RAI1: variants seen among roughly 807,000 people sequenced by gnomAD.
The protein encoded by RAI1 is retinoic acid-induced protein 1.
Under a neutral mutation model 123.8 loss-of-function variants are expected in RAI1, and 9 were observed. That is an observed-to-expected ratio of 0.07 (90% CI 0.04 to 0.13). The LOEUF is 0.13. RAI1 is among the 10% of genes least tolerant of loss of function. RAI1 has a pLI of 1.00. For missense variants in RAI1, 2,256 were observed against 2,545.8 expected (o/e 0.89, Z 2.45); for synonymous variants, 1,231 against 1,127.3 (o/e 1.09, Z -1.84).
chr17:17,727,994 T>C (rs1916148906), intron 2 of RAI1, among the ~76,000 whole-genome samples: 1 of 151,914 alleles, frequency 6.6e-6, no homozygotes, highest in Non-Finnish European at 1.5e-5. Context: ...GTGTATTGCT[T>C]AAGGGGTTTG....
chr17:17,749,509 T>C (rs1004865085), intron 2 of RAI1, among the ~76,000 whole-genome samples: 1 of 152,272 alleles, frequency 6.6e-6, no homozygotes, highest in African/African-American at 2.4e-5. Context: ...TTTGAGAGGC[T>C]ATTAGCATGG....
intron 2 of RAI1, among the ~76,000 whole-genome samples, chr17:17,730,860 C>T (rs1486980093): frequency 1.3e-5 from 2 of 152,226 alleles, no homozygotes; most frequent in Admixed American, 1.3e-4. Flanking sequence ...GGCGGAGAGG[C>T]AGAGAAGCTT....
At chr17:17,784,015 C>T (rs756168437) in intron 2 of RAI1, among the ~76,000 whole-genome samples, 1 of 152,176 alleles carries the variant, frequency 6.6e-6, no homozygotes. Flanking sequence ...CTTCCAATCC[C>T]CCTCCCTCTT....
At chr17:17,711,288 C>T (rs1436175622) in intron 1 of RAI1, among the ~76,000 whole-genome samples, 5 of 152,318 alleles carry the variant, frequency 3.3e-5, no homozygotes, top group Admixed American at 6.5e-5. Flanking sequence ...CTGGAGCACC[C>T]GTCCCCCATG....
rs150247802 is a variant in RAI1, at chr17:17,793,429, G to A, written c.481G>A (p.Gly161Ser). The A allele has an allele frequency of 2.5e-6, 4 of 1,613,158 alleles. No individual in the cohort carries two copies. The highest frequency in any genetic ancestry group is 1.3e-5 in the African/African-American group (1 of 74,860). The part of the protein sequence containing the change: ...VPPSRQYAEQ[G>S]AQVPFRTHSL... ...CCCCAGCAGGCAGTATGCAGAGCAG[G>A]GCGCCCAGGTGCCCTTTCGGACTCA... Residue 161 changes from glycine (G) to serine (S), a missense_variant, in exon 3 of 6, where the codon GGC becomes AGC. Transcript: ENST00000353383.
chr17:17,702,344 C>T (rs1915248822), intron 1 of RAI1, among the ~76,000 whole-genome samples: 1 of 152,224 alleles, frequency 6.6e-6, no homozygotes, highest in South Asian at 2.1e-4. Flanking sequence ...TACCACCCAC[C>T]TCATCCCAGG....
chr17:17,746,639 T>TC (rs2029935129), intron 2 of RAI1, among the ~76,000 whole-genome samples: 1 of 147,810 alleles, frequency 6.8e-6, no homozygotes. Flanking sequence ...CTTTTCTTTT[T>TC]TTTTTTTTTT....
At chr17:17,682,936 C>T (rs905986760) in intron 1 of RAI1, among the ~76,000 whole-genome samples, 1 of 152,086 alleles carries the variant, frequency 6.6e-6, no homozygotes, top group Non-Finnish European at 1.5e-5. Flanking sequence ...AGGCCGCGCG[C>T]CTGAATGGCG....
At chr17:17,744,718 A>AGGT (rs1240103273) in intron 2 of RAI1, among the ~76,000 whole-genome samples, 3 of 130,182 alleles carry the variant, frequency 2.3e-5, no homozygotes, top group Non-Finnish European at 4.7e-5. Flanking sequence ...TGAACGCAGG[A>AGGT]GGTGGAGGTT....
chr17:17,783,646 TGGG>T (rs1273985395), intron 2 of RAI1, among the ~76,000 whole-genome samples: 1 of 152,126 alleles, frequency 6.6e-6, no homozygotes, highest in Non-Finnish European at 1.5e-5. Flanking sequence ...CTGCTCGCGC[TGGG>T]GCGCGCGCCC....
rs116916747 is a variant in RAI1, at chr17:17,709,004, C to T, written c.-148-15024C>T. Among the ~76,000 whole-genome samples the T allele has an allele frequency of 5.2e-3, 789 of 152,312 alleles. 7 individuals are homozygous for T. The highest frequency in any genetic ancestry group is 6.7e-3 in the Non-Finnish European group (455 of 68,028). ...TCCTATCCTCAGTTGCAGAGTGGGC[C>T]AGGACATGCCGCTTTACAGATGGGA... On this transcript the variant is annotated intron_variant, in intron 1 of 5. Coordinates refer to ENST00000353383, the MANE Select transcript of RAI1 (RefSeq NM_030665.4).
At chr17:17,725,564 C>T (rs370900235) in intron 2 of RAI1, among the ~76,000 whole-genome samples, 14 of 152,270 alleles carry the variant, frequency 9.2e-5, no homozygotes, top group African/African-American at 3.4e-4. Context: ...AGAGGCTTCC[C>T]GGCACGCAGA....
chr17:17,799,640 A>G lies in RAI1; in HGVS notation c.5565+1127A>G, dbSNP rs1199640363. On this transcript the variant is annotated intron_variant, in intron 3 of 5. Coordinates refer to ENST00000353383, the MANE Select transcript of RAI1 (RefSeq NM_030665.4). The surrounding 1 kb of genome is among the most constrained non-coding windows in gnomAD (Gnocchi z 4.5). ...CCTCCACTCCTTCCTTCAACCCACT[A>G]TGTGCGGCTGAGGTCACAGGGGAGC... Among the ~76,000 whole-genome samples, 4 of 151,898 alleles carry G rather than the reference A, an allele frequency of 2.6e-5. No individual in the cohort carries two copies. The highest frequency in any genetic ancestry group is 1.9e-4 in the East Asian group (1 of 5,176).
chr17:17,784,463 C>T (rs531383562), intron 2 of RAI1, among the ~76,000 whole-genome samples: 152 of 152,358 alleles, frequency 1.0e-3, no homozygotes, highest in South Asian at 1.9e-3. Flanking sequence ...GATCTCAGCC[C>T]TGCTGGGCGT....
At chr17:17,734,772 G>A (rs1916374798) in intron 2 of RAI1, among the ~76,000 whole-genome samples, 1 of 152,216 alleles carries the variant, frequency 6.6e-6, no homozygotes, top group Non-Finnish European at 1.5e-5. Context: ...ACACACACAG[G>A]GGCACATATC....
At chr17:17,720,726 C>G (rs1915854390) in intron 1 of RAI1, among the ~76,000 whole-genome samples, 1 of 152,208 alleles carries the variant, frequency 6.6e-6, no homozygotes, top group African/African-American at 2.4e-5. Flanking sequence ...TGCAGGCTCT[C>G]AGCCTGGGTT....
At chr17:17,733,054 C>T (rs368443221) in intron 2 of RAI1, among the ~76,000 whole-genome samples, 23 of 152,342 alleles carry the variant, frequency 1.5e-4, no homozygotes, top group African/African-American at 2.2e-4. Context: ...AGGGCACTAT[C>T]GGCAGAGCTA....
intron 1 of RAI1, among the ~76,000 whole-genome samples, chr17:17,696,778 A>G (rs1915051548): frequency 6.6e-6 from 1 of 152,346 alleles, no homozygotes; most frequent in Admixed American, 6.5e-5. Flanking sequence ...TCTGGGCTCC[A>G]ATAGTAAGGG....
intron 3 of RAI1, 107 bp downstream of exon 3, chr17:17,798,620 G>A (rs2032354569): frequency 6.6e-7 from 1 of 1,524,508 alleles, no homozygotes; most frequent in Non-Finnish European, 8.8e-7. Context: ...GGCCAAATGT[G>A]TCTGCAGTCT....
Sources: allele counts gnomAD v4.1 joint callset (sites outside exome capture counted in the v4.1 genomes callset), GRCh38; gene constraint gnomAD v4.1.1; non-coding constraint Gnocchi (gnomAD v3.1); transcripts MANE v1.5; gene names NCBI Gene and HGNC (gene_info 2026-07-23, HGNC 2026-07-21).